The following CACNA2D1 variants were observed in gnomAD, a reference collection of about 807,000 sequenced individuals.
The protein encoded by CACNA2D1 is voltage-dependent calcium channel subunit alpha-2/delta-1.
CACNA2D1 carries 53 observed loss-of-function variants against 171.5 expected under a neutral mutation model. The observed-to-expected ratio is 0.31, with a 90% CI of 0.25 to 0.39. The LOEUF (loss-of-function observed/expected upper bound fraction) is 0.39, where lower values mean the gene tolerates loss of function less well. Among genes scored for constraint, CACNA2D1 ranks in the 10% least tolerant of loss-of-function variants. The pLI, the probability that CACNA2D1 is intolerant of heterozygous loss-of-function variation, is 1.00. For missense variants in CACNA2D1, 903 were observed against 1,299.8 expected (o/e 0.69, Z 4.69); for synonymous variants, 442 against 443.1 (o/e 1.00, Z 0.03).
intron 10 of CACNA2D1, among the ~76,000 whole-genome samples, chr7:82,041,147 G>T (rs1431452398): frequency 6.6e-6 from 1 of 152,090 alleles, no homozygotes; most frequent in Non-Finnish European, 1.5e-5. Context: ...CTGGAAAACA[G>T]GGTGGCATCT....
At chr7:82,355,622 C>T (rs183667217) in intron 1 of CACNA2D1, among the ~76,000 whole-genome samples, 1 of 152,162 alleles carries the variant, frequency 6.6e-6, no homozygotes, top group East Asian at 1.9e-4. Flanking sequence ...TTCATCACTG[C>T]TCCACTGCCC....
intron 1 of CACNA2D1, among the ~76,000 whole-genome samples, chr7:82,383,861 A>G (rs1823995275): frequency 1.3e-5 from 2 of 152,252 alleles, no homozygotes; most frequent in African/African-American, 4.8e-5. Flanking sequence ...CAATACTGAC[A>G]GTAGCAAACA....
chr7:82,050,599 T>C, intron 10 of CACNA2D1: 3 of 702,820 alleles, frequency 4.3e-6, no homozygotes, highest in Non-Finnish European at 7.8e-6. Context: ...TGAAAATCTC[T>C]TCGGGAGAAG....
intron 1 of CACNA2D1, among the ~76,000 whole-genome samples, chr7:82,424,036 C>A (rs1436896857): frequency 6.6e-6 from 1 of 151,998 alleles, no homozygotes; most frequent in Non-Finnish European, 1.5e-5. Flanking sequence ...CAAAAATATA[C>A]CTTTGCAATG....
At chr7:81,970,262 A>ACTACTACTGAG (rs1795133603) in intron 27 of CACNA2D1, among the ~76,000 whole-genome samples, 1 of 151,500 alleles carries the variant, frequency 6.6e-6, no homozygotes, top group Admixed American at 6.6e-5. Context: ...GTTAGTAAGC[A>ACTACTACTGAG]TTGGTGCCTA....
intron 10 of CACNA2D1, among the ~76,000 whole-genome samples, chr7:82,045,315 A>G (rs1478744302): frequency 1.3e-5 from 2 of 152,122 alleles, no homozygotes; most frequent in Admixed American, 6.6e-5. Context: ...CCCTTCTCAT[A>G]TATTAATTTT....
intron 3 of CACNA2D1, 59 bp from the exon 4 acceptor site, chr7:82,170,668 A>G (rs922413885): frequency 1.4e-6 from 2 of 1,469,350 alleles, no homozygotes; most frequent in African/African-American, 1.4e-5. Flanking sequence ...GAATTGTTAT[A>G]TAAAATGCTT....
rs1223887215 is a variant in CACNA2D1 at position 81,997,190 on chromosome 7, T to C, written c.1651A>G (p.Ile551Val). 4 of 1,598,044 alleles carry C rather than the reference T, an allele frequency of 2.5e-6. No homozygotes were observed. The highest frequency in any genetic ancestry group is 1.3e-5 in the African/African-American group (1 of 74,524). Residue 551 changes from isoleucine to valine, a missense_variant, in exon 19 of 39, where the codon ATT (isoleucine) becomes GTT (valine). Transcript: ENST00000356860. The part of the protein sequence containing the change: ...DFLDAELEND[I>V]KVEIRNKMID... The stretch of plus-strand genomic sequence containing the variant: ...CTGATTCCACTCACCTCCACTTTAA[T>C]ATCATTCTCTAACTCTGCATCAAGG...
intron 3 of CACNA2D1, among the ~76,000 whole-genome samples, chr7:82,263,137 C>T (rs1807352040): frequency 1.6e-5 from 2 of 124,832 alleles, no homozygotes; most frequent in South Asian, 5.3e-4. Flanking sequence ...CAGAGTCTGG[C>T]TCTGTCACCC....
chr7:82,434,128 G>C (rs1452559719), intron 1 of CACNA2D1, among the ~76,000 whole-genome samples: 1 of 152,194 alleles, frequency 6.6e-6, no homozygotes, highest in African/African-American at 2.4e-5. Context: ...GTGACACAAA[G>C]AAAAGCAGAA....
At chr7:82,218,180 C>A (rs1224554055) in intron 3 of CACNA2D1, among the ~76,000 whole-genome samples, 1 of 152,152 alleles carries the variant, frequency 6.6e-6, no homozygotes, top group Non-Finnish European at 1.5e-5. Context: ...GTGATCCACC[C>A]GCCTCAGCCT....
intron 3 of CACNA2D1, among the ~76,000 whole-genome samples, chr7:82,327,062 T>TA (rs1182745195): frequency 6.6e-6 from 1 of 152,208 alleles, no homozygotes; most frequent in East Asian, 1.9e-4. Context: ...GGGCTCCATA[T>TA]AAAAAATGCC....
chr7:82,068,014 A>G (rs1807870008), intron 7 of CACNA2D1, among the ~76,000 whole-genome samples: 1 of 152,170 alleles, frequency 6.6e-6, no homozygotes. Flanking sequence ...GTTTGCCTGC[A>G]AATGATGCAA....
At chr7:82,301,832 A>C (rs760994691) in intron 3 of CACNA2D1, among the ~76,000 whole-genome samples, 3 of 151,550 alleles carry the variant, frequency 2.0e-5, no homozygotes, top group Non-Finnish European at 4.4e-5. Context: ...ATCTCAGCTG[A>C]CTGCAACCTC....
chr7:82,074,191 A>G (rs976814010), intron 7 of CACNA2D1, among the ~76,000 whole-genome samples: 1 of 152,096 alleles, frequency 6.6e-6, no homozygotes, highest in African/African-American at 2.4e-5. Context: ...AATTCACCAG[A>G]CAGCTGATAA....
chr7:82,394,362 AC>A (rs1825550369), intron 1 of CACNA2D1, among the ~76,000 whole-genome samples: 1 of 152,146 alleles, frequency 6.6e-6, no homozygotes, highest in Non-Finnish European at 1.5e-5. Context: ...AAAAGACGAA[AC>A]AAAGGAAAAA....
intron 5 of CACNA2D1, 134 bp from the exon 6 acceptor site, chr7:82,117,307 G>T: frequency 1.3e-6 from 1 of 794,686 alleles, no homozygotes; most frequent in Non-Finnish European, 2.0e-6. Flanking sequence ...ATAGTACCTT[G>T]ATAGCATTGG....
chr7:82,053,291 A>G (rs1159602978), intron 10 of CACNA2D1, among the ~76,000 whole-genome samples: 1 of 151,646 alleles, frequency 6.6e-6, no homozygotes, highest in Non-Finnish European at 1.5e-5. Context: ...CCTATCAATT[A>G]TGATTAAATA....
intron 10 of CACNA2D1, among the ~76,000 whole-genome samples, chr7:82,042,309 T>C (rs1211406173): frequency 6.6e-6 from 1 of 152,168 alleles, no homozygotes; most frequent in African/African-American, 2.4e-5. Flanking sequence ...TGGCAGTCTT[T>C]GATAACACGT....
Sources: gnomAD v4.1 joint callset for allele counts (sites outside exome capture counted in the v4.1 genomes callset) on GRCh38, gnomAD v4.1.1 for gene constraint, MANE v1.5 for transcripts, NCBI Gene and HGNC (gene_info 2026-07-23, HGNC 2026-07-21) for gene names.